The following SLC39A11 variants were observed in gnomAD, a reference collection of about 807,000 sequenced individuals.
The protein encoded by SLC39A11 is zinc transporter ZIP11.
Under a neutral mutation model 36.1 loss-of-function variants are expected in SLC39A11, and 33 were observed. That is an observed-to-expected ratio of 0.91 (90% CI 0.69 to 1.22). The LOEUF (loss-of-function observed/expected upper bound fraction) is 1.22. SLC39A11 is among the 50% of genes most tolerant of loss of function. The pLI is 0.00. For synonymous variants in SLC39A11, 166 were observed against 170.3 expected, an observed-to-expected ratio of 0.97 and a Z score of 0.20; for missense variants, 432 against 430.3, an observed-to-expected ratio of 1.00 and a Z score of -0.03.
At chr17:72,842,425 C>T (rs554983790) in intron 6 of SLC39A11, among the ~76,000 whole-genome samples, 1 of 152,262 alleles carries the variant, frequency 6.6e-6, no homozygotes, top group South Asian at 2.1e-4. Flanking sequence ...TGAGATAACC[C>T]CTAGAATCTC....
chr17:72,722,697 C>T (rs1287615639), intron 7 of SLC39A11, among the ~76,000 whole-genome samples: 4 of 151,750 alleles, frequency 2.6e-5, no homozygotes, highest in East Asian at 1.9e-4. Context: ...TACAATGGCA[C>T]GATCTCAGCT....
At chr17:72,895,580 C>CA (rs112611912) in intron 5 of SLC39A11, among the ~76,000 whole-genome samples, 2,100 of 124,398 alleles carry the variant, frequency 0.017, 47 homozygotes, top group African/African-American at 0.046. Flanking sequence ...AACTCTGTCT[C>CA]AAAAAAAAAA....
At chr17:72,764,565 A>G (rs1194340175) in intron 6 of SLC39A11, among the ~76,000 whole-genome samples, 1 of 151,502 alleles carries the variant, frequency 6.6e-6, no homozygotes, top group African/African-American at 2.4e-5. Context: ...CCTCTTTCTG[A>G]CTCATGCAAT....
rs531846065 is a variant in SLC39A11, at chr17:73,083,231, C to T, written c.147+1577G>A. 6.6e-5 allele frequency among the ~76,000 whole-genome samples: 10 copies of T among 152,194 alleles called. No homozygotes were observed. The South Asian group carries it at 1.5e-3, about 22-fold the overall frequency. On this transcript the variant is annotated intron_variant, in intron 3 of 9. Coordinates refer to ENST00000255559, the MANE Select transcript of SLC39A11 (RefSeq NM_139177.4). ...GGAAAGAAAGTAGGGCTGGCTTCCC[C>T]GGCATTCTCAGGCACAGCAGTTATA...
chr17:72,828,714 G>A (rs1395439093), intron 6 of SLC39A11, among the ~76,000 whole-genome samples: 1 of 152,198 alleles, frequency 6.6e-6, no homozygotes, highest in African/African-American at 2.4e-5. Context: ...ACGCTGCAAG[G>A]TGGAGGTTGT....
intron 1 of SLC39A11, among the ~76,000 whole-genome samples, chr17:73,091,630 G>T (rs1329363199): frequency 1.3e-5 from 2 of 152,242 alleles, no homozygotes; most frequent in East Asian, 3.9e-4. Flanking sequence ...AAGAGAACAA[G>T]AAGTTTTCTC....
intron 6 of SLC39A11, among the ~76,000 whole-genome samples, chr17:72,756,724 TA>T (rs1218553788): frequency 6.6e-6 from 1 of 152,202 alleles, no homozygotes; most frequent in East Asian, 1.9e-4. Flanking sequence ...TGCACAACAT[TA>T]TAAATGTATT....
At chr17:73,084,923 G>A in intron 2 of SLC39A11, 77 bp from the exon 3 acceptor site, 1 of 1,494,512 alleles carries the variant, frequency 6.7e-7, no homozygotes, top group South Asian at 1.1e-5. Flanking sequence ...GAAACCATAA[G>A]GCCCAAAAGA....
At chr17:72,827,004 A>C (rs2078056725) in intron 6 of SLC39A11, among the ~76,000 whole-genome samples, 1 of 152,206 alleles carries the variant, frequency 6.6e-6, no homozygotes, top group Non-Finnish European at 1.5e-5. Context: ...CTAAGTTTAG[A>C]CCCAAGAGAA....
At chr17:72,699,054 C>A (rs1339766567) in intron 7 of SLC39A11, among the ~76,000 whole-genome samples, 2 of 152,146 alleles carry the variant, frequency 1.3e-5, no homozygotes, top group East Asian at 3.9e-4. Flanking sequence ...TGGTCTCGAT[C>A]TCCTGACCTT....
chr17:72,797,431 C>CCT (rs2076933289), intron 6 of SLC39A11, among the ~76,000 whole-genome samples: 1 of 151,972 alleles, frequency 6.6e-6, no homozygotes, highest in South Asian at 2.1e-4. Context: ...CCTCCTCCTT[C>CCT]CATCTTCCAT....
At chr17:72,810,681 T>C (rs941257371) in intron 6 of SLC39A11, among the ~76,000 whole-genome samples, 3 of 152,182 alleles carry the variant, frequency 2.0e-5, no homozygotes, top group South Asian at 4.2e-4. Context: ...GATATACATA[T>C]GTAAAAATTC....
chr17:72,958,272 T>A (rs2086376483), intron 4 of SLC39A11, among the ~76,000 whole-genome samples: 1 of 152,190 alleles, frequency 6.6e-6, no homozygotes. Context: ...AAGATAACAT[T>A]GGAAAAACCC....
intron 5 of SLC39A11, among the ~76,000 whole-genome samples, chr17:72,905,758 C>CTT (rs879277527): frequency 1.7e-4 from 24 of 144,942 alleles, no homozygotes; most frequent in African/African-American, 5.5e-4. Flanking sequence ...GAACTCAACT[C>CTT]TTTTTTTTTT....
intron 6 of SLC39A11, among the ~76,000 whole-genome samples, chr17:72,769,092 C>T (rs1420161146): frequency 2.7e-4 from 41 of 152,138 alleles, no homozygotes; most frequent in Non-Finnish European, 4.4e-5. Context: ...ATTTAACAAA[C>T]GACTTCCCCC....
chr17:73,053,050 T>C (rs1422450438), intron 3 of SLC39A11, among the ~76,000 whole-genome samples: 8 of 152,194 alleles, frequency 5.3e-5, no homozygotes. Flanking sequence ...TCTAATCTTT[T>C]TCTTGTTATG....
chr17:73,018,378 A>C (rs2058236794), intron 4 of SLC39A11, among the ~76,000 whole-genome samples: 1 of 151,994 alleles, frequency 6.6e-6, no homozygotes, highest in Admixed American at 6.6e-5. Context: ...GAAAAACCCT[A>C]TCTCTACTAA....
At chr17:72,678,342 A>G (rs2071364268) in intron 7 of SLC39A11, among the ~76,000 whole-genome samples, 1 of 152,116 alleles carries the variant, frequency 6.6e-6, no homozygotes. Context: ...AACAGCGAGA[A>G]GGAGGGTACT....
At chr17:72,991,648 T>C (rs1188354965) in intron 4 of SLC39A11, among the ~76,000 whole-genome samples, 2 of 152,138 alleles carry the variant, frequency 1.3e-5, no homozygotes, top group African/African-American at 2.4e-5. Context: ...TGTGAGCCAC[T>C]GGGCCCGGCC....
Sources: allele counts gnomAD v4.1 joint callset (sites outside exome capture counted in the v4.1 genomes callset), GRCh38; gene constraint gnomAD v4.1.1; transcripts MANE v1.5; gene names NCBI Gene and HGNC (gene_info 2026-07-23, HGNC 2026-07-21).